The following AQR variants were observed in gnomAD, a reference collection of about 807,000 sequenced individuals.
AQR encodes the protein RNA helicase aquarius.
AQR carries 61 observed loss-of-function variants against 180.5 expected under a neutral mutation model. The ratio of observed to expected loss-of-function variants is 0.34; its 90% CI spans 0.28 to 0.42. The LOEUF (loss-of-function observed/expected upper bound fraction) is 0.42. AQR is among the 10% of genes least tolerant of loss of function. The pLI is 1.00. For missense variants in AQR, 1,281 were observed against 1,798.3 expected, an observed-to-expected ratio of 0.71 and a Z score of 5.20; for synonymous variants, 551 against 588.8, an observed-to-expected ratio of 0.94 and a Z score of 0.93.
chr15:34,948,436 TA>T (rs1566995750), intron 4 of AQR, 52 bp from the exon 5 acceptor site: 14 of 1,578,058 alleles, frequency 8.9e-6, no homozygotes, highest in Non-Finnish European at 1.2e-5. Context: ...CCACTCACTG[TA>T]ATACATAACT....
At chr15:34,965,706 C>T (rs1269771179) in intron 1 of AQR, among the ~76,000 whole-genome samples, 1 of 152,006 alleles carries the variant, frequency 6.6e-6, no homozygotes, top group Non-Finnish European at 1.5e-5. Flanking sequence ...TCCCAAATTA[C>T]CAATCACTCT....
intron 13 of AQR, among the ~76,000 whole-genome samples, chr15:34,921,295 G>A (rs143104015): frequency 0.018 from 2,732 of 151,818 alleles, 76 homozygotes; most frequent in African/African-American, 0.058. Flanking sequence ...TTAGCCAGGC[G>A]TGGTGGTGAG....
chr15:34,930,488 G>T, intron 11 of AQR, 117 bp from the exon 12 acceptor site: 1 of 568,702 alleles, frequency 1.8e-6, no homozygotes, highest in Non-Finnish European at 3.1e-6. Flanking sequence ...AAAAACTCAG[G>T]AATGTAAACA....
At chr15:34,892,657 T>C (rs749933177) in intron 23 of AQR, among the ~76,000 whole-genome samples, 61 of 152,170 alleles carry the variant, frequency 4.0e-4, no homozygotes, top group Non-Finnish European at 8.8e-5. Context: ...AAGTTGAAAA[T>C]ATCCTAAGTT....
intron 27 of AQR, among the ~76,000 whole-genome samples, chr15:34,882,219 G>A (rs1892981493): frequency 6.6e-6 from 1 of 151,428 alleles, no homozygotes; most frequent in Non-Finnish European, 1.5e-5. Flanking sequence ...AGCTTTATTT[G>A]GAGATTTTTA....
chr15:34,957,891 C>A (rs1240985184), intron 3 of AQR, among the ~76,000 whole-genome samples: 2 of 151,950 alleles, frequency 1.3e-5, no homozygotes, highest in Non-Finnish European at 2.9e-5. Context: ...ATGCCAAAGA[C>A]AGCTACTTCT....
intron 15 of AQR, among the ~76,000 whole-genome samples, 164 bp downstream of exon 15, chr15:34,918,094 C>A (rs1263941813): frequency 2.0e-5 from 3 of 152,150 alleles, no homozygotes; most frequent in Admixed American, 6.5e-5. Context: ...CTAAAGCATT[C>A]AAAATACTAA....
Position 34,906,544 on chromosome 15 carries a change from C to T in AQR, c.1831+1G>A. The T allele has an allele frequency of 6.2e-7, 1 of 1,613,734 alleles. No homozygotes were observed. The stretch of plus-strand genomic sequence containing the variant: ...TCTTTCAAAAATATAGGTCACCATA[C>T]CATCTTCAATGACACGTCCTTTATC... On this transcript the variant is annotated splice_donor_variant, in intron 18 of 34. Transcript: ENST00000156471. LOFTEE classifies it high-confidence loss of function.
At chr15:34,868,633 T>C (rs777756623) in intron 31 of AQR, 1 of 152,110 alleles carries the variant, frequency 6.6e-6, no homozygotes, top group African/African-American at 2.4e-5. Context: ...AATAAAAATG[T>C]CCATCATCTC....
chr15:34,894,326 TG>T (rs1459285088), intron 22 of AQR, among the ~76,000 whole-genome samples: 1 of 152,078 alleles, frequency 6.6e-6, no homozygotes, highest in East Asian at 1.9e-4. Flanking sequence ...TCAGAAAACA[TG>T]GAAGTCAGAA....
At chr15:34,895,622 T>C (rs1289029533) in intron 22 of AQR, among the ~76,000 whole-genome samples, 1 of 152,010 alleles carries the variant, frequency 6.6e-6, no homozygotes, top group African/African-American at 2.4e-5. Flanking sequence ...CATTACATAA[T>C]AATAAATGGG....
chr15:34,851,951 A>G lies in AQR; in HGVS notation c.*4841T>C, dbSNP rs1195527963. 2 of 152,130 alleles carry G rather than the reference A, an allele frequency of 1.3e-5. No homozygotes were observed. Among genetic ancestry groups the G allele is most frequent in the Non-Finnish European group, 2.9e-5 (2 of 68,014 alleles). 9.4% of individuals were successfully genotyped at this position (152,130 alleles called of 1,614,324 possible). The stretch of plus-strand genomic sequence containing the variant: ...ATTGACCAAACTTTTATTCATTTGC[A>G]TTTTCAGGATGTTGCGATTAATACC... On this transcript the variant is annotated 3_prime_UTR_variant, in exon 35 of 35. Transcript: ENST00000156471.
At chr15:34,858,853 G>C (rs1049889443) in intron 34 of AQR, among the ~76,000 whole-genome samples, 1 of 152,124 alleles carries the variant, frequency 6.6e-6, no homozygotes, top group Non-Finnish European at 1.5e-5. Context: ...GCCTATTAGG[G>C]AAGTGGTGCT....
rs560600895 is a variant in AQR, at chr15:34,965,356, T to C, written c.76-1066A>G. Among the ~76,000 whole-genome samples the C allele has an allele frequency of 5.9e-5, 9 of 152,244 alleles. No homozygotes were observed. In the South Asian group the frequency reaches 1.9e-3, roughly 32 times the overall value. ...CCCTGAGGAATAGCCTCTAAAAATATTACAGTAACTTCCTACTTAAATGAC... is the reference window on the plus strand; with the variant it reads ...CCCTGAGGAATAGCCTCTAAAAATACTACAGTAACTTCCTACTTAAATGAC... On this transcript the variant is annotated intron_variant, in intron 1 of 34. Transcript: ENST00000156471.
intron 19 of AQR, among the ~76,000 whole-genome samples, chr15:34,904,030 T>C (rs1359404744): frequency 6.6e-6 from 1 of 152,046 alleles, no homozygotes; most frequent in Non-Finnish European, 1.5e-5. Context: ...TAATAGGGCA[T>C]TAACTGAATA....
intron 9 of AQR, among the ~76,000 whole-genome samples, chr15:34,937,637 G>A (rs1017427589): frequency 2.0e-5 from 3 of 151,426 alleles, no homozygotes; most frequent in South Asian, 2.1e-4. Flanking sequence ...TGATCCCAGC[G>A]CTTTGGGAGG....
At chr15:34,870,946 T>C (rs2063000525) in intron 30 of AQR, 24 bp from the exon 31 acceptor site, 1 of 1,585,210 alleles carries the variant, frequency 6.3e-7, no homozygotes, top group South Asian at 1.1e-5. Flanking sequence ...ATAATCAGAC[T>C]GTGCATTCAT....
In AQR at chr15:34,853,558, T is replaced by A. The variant is rs1471093996; in HGVS notation, c.*3234A>T. On this transcript the variant is annotated 3_prime_UTR_variant, in exon 35 of 35. Coordinates refer to ENST00000156471, the MANE Select transcript of AQR (RefSeq NM_014691.3). ...AATCAGTAACCTGATCCTAGATAGATCCTCAAAGGTCAACTGCCACTAGGT... is the reference window on the plus strand; with the variant it reads ...AATCAGTAACCTGATCCTAGATAGAACCTCAAAGGTCAACTGCCACTAGGT... The A allele has an allele frequency of 6.6e-6, 1 of 152,194 alleles. No homozygotes were observed. Among genetic ancestry groups the A allele is most frequent in the Non-Finnish European group, 1.5e-5 (1 of 68,048 alleles). The allele number at this position is 152,194 out of a possible 1,614,324, so 9.4% of individuals were successfully genotyped here. A position where few individuals can be genotyped will look rare whatever the true frequency, so the allele number is the denominator to read the frequency against.
chr15:34,941,979 T>C (rs916282208), intron 7 of AQR, 33 bp downstream of exon 7: 5 of 1,541,040 alleles, frequency 3.2e-6, no homozygotes, highest in Middle Eastern at 1.7e-4. Context: ...TTATAACACA[T>C]ACATTCATAA....
Sources: gnomAD v4.1 joint callset for allele counts (sites outside exome capture counted in the v4.1 genomes callset) on GRCh38, gnomAD v4.1.1 for gene constraint, MANE v1.5 for transcripts, NCBI Gene and HGNC (gene_info 2026-07-23, HGNC 2026-07-21) for gene names.